Variants in FAXC observed in about 807,000 individuals in gnomAD.
FAXC encodes failed axon connections homolog.
A neutral mutation model predicts 41.9 loss-of-function variants in FAXC; 10 were observed. The ratio of observed to expected loss-of-function variants is 0.24; its 90% CI spans 0.15 to 0.41. FAXC has a LOEUF of 0.41. Ranked by LOEUF, FAXC falls within the 10% of genes least tolerant of loss-of-function variation. The probability of loss-of-function intolerance (pLI) is 1.00; values close to 1 mark genes in which losing one functional copy is unlikely to be tolerated. For missense variants in FAXC, 399 were observed against 510.9 expected, an observed-to-expected ratio of 0.78 and a Z score of 2.11; for synonymous variants, 183 against 183.8, an observed-to-expected ratio of 1.00 and a Z score of 0.03.
At chr6:99,329,555 A>G (rs1772952947) in intron 3 of FAXC, among the ~76,000 whole-genome samples, 1 of 152,156 alleles carries the variant, frequency 6.6e-6, no homozygotes, top group Non-Finnish European at 1.5e-5. Context: ...CTACTCAAGA[A>G]TACAGGAGCA....
intron 5 of FAXC, among the ~76,000 whole-genome samples, chr6:99,287,218 C>T (rs1336618777): frequency 6.6e-6 from 1 of 152,028 alleles, no homozygotes; most frequent in African/African-American, 2.4e-5. Flanking sequence ...GGCCAAAATA[C>T]AGTTAATTTT....
intron 4 of FAXC, among the ~76,000 whole-genome samples, chr6:99,308,541 A>G (rs1396909454): frequency 6.6e-6 from 1 of 151,698 alleles, no homozygotes; most frequent in Non-Finnish European, 1.5e-5. Flanking sequence ...TTTCACTCCT[A>G]TGAACTTATC....
In FAXC at chr6:99,275,182, T is replaced by C. The variant is rs1476225279; in HGVS notation, c.*5982A>G. On this transcript the variant is annotated 3_prime_UTR_variant, in exon 6 of 6. Coordinates refer to ENST00000389677, the MANE Select transcript of FAXC (RefSeq NM_032511.4). ...AAAATAAATGCATGCCAATGGGGGG[T>C]GGGAGGTGAATTAGTCACATTTAGT... 1 of 150,674 alleles carries C rather than the reference T, an allele frequency of 6.6e-6. No homozygotes were observed. Among genetic ancestry groups the C allele is most frequent in the Non-Finnish European group, 1.5e-5 (1 of 67,596 alleles). 9.3% of individuals were successfully genotyped at this position (150,674 alleles called of 1,614,324 possible).
At chr6:99,322,976 G>A (rs934174822) in intron 4 of FAXC, among the ~76,000 whole-genome samples, 2 of 152,186 alleles carry the variant, frequency 1.3e-5, no homozygotes, top group African/African-American at 2.4e-5. Flanking sequence ...AATGACAAAT[G>A]TTCCACATAT....
intron 4 of FAXC, among the ~76,000 whole-genome samples, chr6:99,294,216 A>C (rs1237602763): frequency 6.6e-6 from 1 of 152,244 alleles, no homozygotes; most frequent in Non-Finnish European, 1.5e-5. Flanking sequence ...GAATCCAGAG[A>C]AAGTACCAAC....
intron 3 of FAXC, among the ~76,000 whole-genome samples, chr6:99,331,353 G>T (rs1773017670): frequency 6.6e-6 from 1 of 152,070 alleles, no homozygotes; most frequent in Non-Finnish European, 1.5e-5. Context: ...TTCCCACGGG[G>T]TACCACTTCC....
chr6:99,298,147 T>C (rs943100471), intron 4 of FAXC, among the ~76,000 whole-genome samples: 5 of 152,156 alleles, frequency 3.3e-5, no homozygotes, highest in Non-Finnish European at 5.9e-5. Context: ...GTGATTCTTG[T>C]GCACACTGAA....
intron 2 of FAXC, among the ~76,000 whole-genome samples, chr6:99,336,035 T>C (rs1015229433): frequency 6.6e-6 from 1 of 152,242 alleles, no homozygotes; most frequent in Non-Finnish European, 1.5e-5. Context: ...GATCTTTTTT[T>C]CCCATACATT....
At chr6:99,333,619 C>A in intron 2 of FAXC, 72 bp from the exon 3 acceptor site, 1 of 1,273,018 alleles carries the variant, frequency 7.9e-7, no homozygotes, top group East Asian at 2.4e-5. Flanking sequence ...TTAATAGAAA[C>A]AAACATTCCA....
chr6:99,328,572 G>A (rs1772908335), intron 3 of FAXC, among the ~76,000 whole-genome samples: 2 of 152,164 alleles, frequency 1.3e-5, no homozygotes, highest in African/African-American at 4.8e-5. Context: ...CTCCCCAAAT[G>A]CCTCCTTCTT....
chr6:99,285,212 T>G (rs904359250), intron 5 of FAXC, among the ~76,000 whole-genome samples: 1 of 152,092 alleles, frequency 6.6e-6, no homozygotes, highest in Non-Finnish European at 1.5e-5. Flanking sequence ...TCTATTCAAC[T>G]ATAATAAAAG....
In FAXC at chr6:99,277,370, C is replaced by A. The variant is rs946040658; in HGVS notation, c.*3794G>T. 6.6e-6 allele frequency: 1 copy of A among 152,224 alleles called. No individual in the cohort carries two copies. Among genetic ancestry groups the A allele is most frequent in the Admixed American group, 6.6e-5 (1 of 15,260 alleles). The allele number at this position is 152,224 out of a possible 1,614,324, so 9.4% of individuals were successfully genotyped here. Reference sequence around the variant, plus strand: ...AGAGAAGTCTAGGCAAAAGAGGATGCCCTGAAATCAGAGTTCTATGCTGTT... The same window carrying A: ...AGAGAAGTCTAGGCAAAAGAGGATGACCTGAAATCAGAGTTCTATGCTGTT... On this transcript the variant is annotated 3_prime_UTR_variant, in exon 6 of 6. Transcript: ENST00000389677.
intron 2 of FAXC, among the ~76,000 whole-genome samples, chr6:99,335,385 C>T (rs1773179031): frequency 6.6e-6 from 1 of 152,218 alleles, no homozygotes. Flanking sequence ...CTTTGTTAAG[C>T]CCTATCCTAC....
intron 4 of FAXC, among the ~76,000 whole-genome samples, chr6:99,296,007 CCTTT>C (rs1771482217): frequency 1.3e-5 from 2 of 152,070 alleles, no homozygotes; most frequent in African/African-American, 4.8e-5. Flanking sequence ...ATTCTACTGT[CCTTT>C]CTTTCCCATT....
At chr6:99,341,507 A>C (rs1010845213) in intron 2 of FAXC, among the ~76,000 whole-genome samples, 4 of 152,212 alleles carry the variant, frequency 2.6e-5, no homozygotes, top group East Asian at 1.9e-4. Context: ...AAATAGGAAG[A>C]GACATCAATG....
chr6:99,318,306 C>CAAAA (rs1554201375), intron 4 of FAXC, among the ~76,000 whole-genome samples: 2,921 of 135,302 alleles, frequency 0.022, 111 homozygotes, highest in Non-Finnish European at 0.032. Context: ...CACACACACA[C>CAAAA]AAAATAGAAG....
At chr6:99,288,859 TACACACACAC>T (rs55895848) in intron 5 of FAXC, among the ~76,000 whole-genome samples, 7 of 145,852 alleles carry the variant, frequency 4.8e-5, no homozygotes, top group South Asian at 2.2e-4. Context: ...CACACACACA[TACACACACAC>T]ACACACACAC....
chr6:99,277,018 C>T lies in FAXC; in HGVS notation c.*4146G>A, dbSNP rs1251371486. The stretch of plus-strand genomic sequence containing the variant: ...TTCATGTGAAGCTGACGAAGTCAGA[C>T]CTTGAGAGATGGGCATGACTTGGGC... On this transcript the variant is annotated 3_prime_UTR_variant, in exon 6 of 6. Coordinates refer to ENST00000389677, the MANE Select transcript of FAXC (RefSeq NM_032511.4). 2 of 152,196 alleles carry T rather than the reference C, an allele frequency of 1.3e-5. No individual in the cohort carries two copies. Among genetic ancestry groups the T allele is most frequent in the African/African-American group, 4.8e-5 (2 of 41,416 alleles). The allele number at this position is 152,196 out of a possible 1,614,324, so 9.4% of individuals were successfully genotyped here.
At chr6:99,296,084 TA>T (rs1243567801) in intron 4 of FAXC, among the ~76,000 whole-genome samples, 1 of 152,232 alleles carries the variant, frequency 6.6e-6, no homozygotes, top group East Asian at 1.9e-4. Context: ...TTTTATTCTA[TA>T]GGTTATAATC....
Sources: allele counts gnomAD v4.1 joint callset (sites outside exome capture counted in the v4.1 genomes callset), GRCh38; gene constraint gnomAD v4.1.1; transcripts MANE v1.5; gene names NCBI Gene and HGNC (gene_info 2026-07-23, HGNC 2026-07-21).